The following ZNF33A variants were observed in gnomAD, a reference collection of about 807,000 sequenced individuals.
ZNF33A encodes brain my041 protein.
ZNF33A carries 9 observed loss-of-function variants against 15.9 expected under a neutral mutation model. The observed-to-expected ratio is 0.57, with a 90% CI of 0.34 to 0.99. ZNF33A has a LOEUF of 0.99. Ranked by LOEUF, ZNF33A falls within the 50% of genes least tolerant of loss-of-function variation. ZNF33A has a pLI of 0.02. For synonymous variants in ZNF33A, 294 were observed against 324.2 expected, an observed-to-expected ratio of 0.91 and a Z score of 1.00; for missense variants, 843 against 941.6, an observed-to-expected ratio of 0.90 and a Z score of 1.37.
chr10:38,058,145 A>AT lies in ZNF33A; in HGVS notation c.*1587dup, dbSNP rs2066559602. ...TAAATCCAAAGTAACCTGAAAAAAC[A>AT]TTAGAGTAAAAATCATTGAAATTGA... On this transcript the variant is annotated 3_prime_UTR_variant, in exon 5 of 5. Transcript: ENST00000432900. 1 of 780,588 alleles carries AT rather than the reference A, an allele frequency of 1.3e-6. No homozygotes were observed. Among genetic ancestry groups the AT allele is most frequent in the Non-Finnish European group, 1.6e-6 (1 of 643,088 alleles). The allele number at this position is 780,588 out of a possible 1,614,324, so 48.4% of individuals were successfully genotyped here.
In ZNF33A at chr10:38,054,421, A is replaced by G. The variant is rs753395880; in HGVS notation, c.297A>G (p.Gln99=). ...DHLKERSQEN[Q]SKHLWEVVFI... ...TGAAAGAGAGGAGCCAAGAAAACCA[A>G]TCTAAACATTTGTGGGAAGTTGTAT... The change falls in exon 5 of 5, where the codon CAA becomes CAG. Residue 99 remains glutamine (Q), a synonymous_variant. Transcript: ENST00000432900. 93 of 1,598,910 alleles carry G rather than the reference A, an allele frequency of 5.8e-5. No individual in the cohort carries two copies. Among genetic ancestry groups the G allele is most frequent in the Middle Eastern group, 3.4e-4 (2 of 5,858 alleles).
chr10:38,012,139 C>T (rs2064213933), intron 1 of ZNF33A, among the ~76,000 whole-genome samples, 159 bp from the exon 2 acceptor site: 1 of 152,106 alleles, frequency 6.6e-6, no homozygotes, highest in Non-Finnish European at 1.5e-5. Context: ...GTTCTTCCAC[C>T]ATTTCTACCC....
At chr10:38,042,088 C>T (rs923210871) in intron 4 of ZNF33A, among the ~76,000 whole-genome samples, 2 of 152,058 alleles carry the variant, frequency 1.3e-5, no homozygotes, top group African/African-American at 2.4e-5. Context: ...GTTATACTAA[C>T]CTTCTTATTC....
intron 4 of ZNF33A, among the ~76,000 whole-genome samples, chr10:38,041,669 G>A (rs1177996943): frequency 6.6e-6 from 1 of 152,110 alleles, no homozygotes; most frequent in Non-Finnish European, 1.5e-5. Context: ...GGAAATGCTT[G>A]TTGGAGCATT....
At chr10:38,046,658 A>T (rs1034763747) in intron 4 of ZNF33A, among the ~76,000 whole-genome samples, 100 of 152,344 alleles carry the variant, frequency 6.6e-4, no homozygotes, top group African/African-American at 2.2e-3. Context: ...GGAAAACATG[A>T]GCTTTCTCAA....
intron 4 of ZNF33A, among the ~76,000 whole-genome samples, chr10:38,020,579 T>G (rs2064691329): frequency 6.6e-6 from 1 of 152,200 alleles, no homozygotes; most frequent in Non-Finnish European, 1.5e-5. Flanking sequence ...TTATGTTAAT[T>G]TTTAGCTTTC....
At chr10:38,013,402 C>T (rs2064291031) in intron 2 of ZNF33A, among the ~76,000 whole-genome samples, 1 of 151,738 alleles carries the variant, frequency 6.6e-6, no homozygotes. Flanking sequence ...AGCCACTGCA[C>T]CCAGCCGGTA....
In ZNF33A at chr10:38,047,190, C is replaced by CAAAA. The variant is rs61278605; in HGVS notation, c.251-7165_251-7162dup. Among the ~76,000 whole-genome samples, 145 of 64,004 alleles carry CAAAA rather than the reference C, an allele frequency of 2.3e-3. 2 individuals carry two copies. The highest frequency in any genetic ancestry group is 2.5e-3 in the Non-Finnish European group (95 of 38,590). 42.0% of individuals were successfully genotyped at this position (64,004 alleles called of 152,430 possible). ...TGAGACCGTCTCCCCCCACCCCTGC[C>CAAAA]AAAAAAAAAAAAAAAAAAAAAAAGA... On this transcript the variant is annotated intron_variant, in intron 4 of 4. Transcript: ENST00000432900.
rs2066412392 is a variant in ZNF33A at position 38,055,250 on chromosome 10, C to G, written c.1126C>G (p.Gln376Glu). ...FWDKSNLTKH[Q>E]RSHTGEKPFE... ...GGATAAGTCAAACCTCACTAAACAT[C>G]AAAGATCACACACAGGGGAGAAACC... The change falls in exon 5 of 5, where the codon CAA (glutamine) becomes GAA (glutamate). Residue 376 changes from glutamine (Q) to glutamate (E), a missense_variant. By Grantham distance (29) the Gln-to-Glu change is conservative (BLOSUM62 2). Coordinates refer to ENST00000432900, the MANE Select transcript of ZNF33A (RefSeq NM_006954.2). 1 of 1,614,122 alleles carries G rather than the reference C, an allele frequency of 6.2e-7. No individual in the cohort carries two copies. The highest frequency in any genetic ancestry group is 1.6e-4 in the Middle Eastern group (1 of 6,062).
intron 4 of ZNF33A, among the ~76,000 whole-genome samples, chr10:38,049,910 G>T (rs2066121761): frequency 6.6e-6 from 1 of 152,300 alleles, no homozygotes; most frequent in African/African-American, 2.4e-5. Context: ...TGAAGATTCT[G>T]TGAGGAAGTG....
chr10:38,012,277 A>G (rs2064219818), intron 1 of ZNF33A, 21 bp from the exon 2 acceptor site: 2 of 1,608,618 alleles, frequency 1.2e-6, no homozygotes, highest in Non-Finnish European at 1.7e-6. Flanking sequence ...TCATGACCCC[A>G]TTCCTCTTTT....
chr10:38,049,029 C>A (rs1356330627), intron 4 of ZNF33A, among the ~76,000 whole-genome samples: 2 of 151,932 alleles, frequency 1.3e-5, no homozygotes, highest in African/African-American at 4.8e-5. Flanking sequence ...GATTATAAAG[C>A]AAATCTTAAT....
chr10:38,046,122 G>A (rs1564865335), intron 4 of ZNF33A, among the ~76,000 whole-genome samples: 1 of 152,170 alleles, frequency 6.6e-6, no homozygotes, highest in Non-Finnish European at 1.5e-5. Flanking sequence ...GCTGGCTCAA[G>A]GCCTTTTGGC....
chr10:38,056,357 G>A lies in ZNF33A; in HGVS notation c.2233G>A (p.Gly745Arg). 6.2e-7 allele frequency: 1 copy of A among 1,614,096 alleles called. No homozygotes were observed. The highest frequency in any genetic ancestry group is 8.5e-7 in the Non-Finnish European group (1 of 1,179,986). ...TGCTCAACATCAGAGATCACATACA[G>A]GGGAAAAGCCCTATGAATGTAACAC... ...ELAQHQRSHT[G>R]EKPYECNTCR... is the part of the protein sequence containing the mutation. The change falls in exon 5 of 5, where the codon GGG becomes AGG. Residue 745 changes from glycine (G) to arginine (R), a missense_variant. Physicochemically the swap from Gly to Arg is moderately radical, Grantham distance 125. Transcript: ENST00000432900.
intron 4 of ZNF33A, among the ~76,000 whole-genome samples, chr10:38,018,726 A>G (rs1189875167): frequency 6.6e-6 from 1 of 152,142 alleles, no homozygotes; most frequent in African/African-American, 2.4e-5. Context: ...TTCTCTCAGT[A>G]TTTGGAAAGT....
chr10:38,042,581 C>T (rs899874731), intron 4 of ZNF33A, among the ~76,000 whole-genome samples: 4 of 146,018 alleles, frequency 2.7e-5, no homozygotes, highest in Non-Finnish European at 5.9e-5. Context: ...AACAAGGTCT[C>T]TCTGAGTCAT....
chr10:38,041,869 T>G (rs2065715969), intron 4 of ZNF33A, among the ~76,000 whole-genome samples: 1 of 152,146 alleles, frequency 6.6e-6, no homozygotes, highest in African/African-American at 2.4e-5. Context: ...GTTTTTTTAC[T>G]TTAAGTTCTG....
downstream of ZNF33A, among the ~76,000 whole-genome samples, chr10:38,067,148 A>G (rs2066716024): frequency 1.3e-5 from 2 of 152,176 alleles, no homozygotes; most frequent in Admixed American, 1.3e-4. Context: ...ATTTTCTCCT[A>G]CCAGGAAAAA....
At chr10:38,025,252 A>C (rs1343482730) in intron 4 of ZNF33A, among the ~76,000 whole-genome samples, 1 of 152,228 alleles carries the variant, frequency 6.6e-6, no homozygotes, top group Admixed American at 6.5e-5. Context: ...TAGAATATAC[A>C]CATTGGTAGA....
Sources: allele counts gnomAD v4.1 joint callset (sites outside exome capture counted in the v4.1 genomes callset), GRCh38; gene constraint gnomAD v4.1.1; transcripts MANE v1.5; gene names NCBI Gene and HGNC (gene_info 2026-07-23, HGNC 2026-07-21).